The following ALK variants were observed in gnomAD, a reference collection of about 807,000 sequenced individuals.
ALK encodes the protein ALK receptor tyrosine kinase, also known as ALK tyrosine kinase receptor.
In ALK, 74 loss-of-function variants were observed where a neutral mutation model predicts 163.1. The observed-to-expected ratio is 0.45, with a 90% CI of 0.38 to 0.55. ALK has a LOEUF of 0.55. Ranked by LOEUF, ALK falls within the 20% of genes least tolerant of loss-of-function variation. The pLI, the probability that ALK is intolerant of heterozygous loss-of-function variation, is 0.00. For missense variants in ALK, 2,063 were observed against 2,105.3 expected, an observed-to-expected ratio of 0.98 and a Z score of 0.39; for synonymous variants, 960 against 843.2, an observed-to-expected ratio of 1.14 and a Z score of -2.40.
Position 29,326,217 on chromosome 2 carries a change from C to T in ALK, c.1414+2133G>A, listed in dbSNP as rs80242071. Among the ~76,000 whole-genome samples, 805 of 152,198 alleles carry T rather than the reference C, an allele frequency of 5.3e-3. 10 individuals carry two copies. The highest frequency in any genetic ancestry group is 0.019 in the African/African-American group (776 of 41,530). On this transcript the variant is annotated intron_variant, in intron 6 of 28. Transcript: ENST00000389048. ...AGACTGCCCTGAAGCTTGGAGCTGGCCAGGAAACCAGTAGTGGTAAGCTTT... is the reference window on the plus strand; with the variant it reads ...AGACTGCCCTGAAGCTTGGAGCTGGTCAGGAAACCAGTAGTGGTAAGCTTT...
chr2:29,884,538 T>C (rs1465028669), intron 1 of ALK, among the ~76,000 whole-genome samples: 3 of 152,146 alleles, frequency 2.0e-5, no homozygotes, highest in Non-Finnish European at 2.9e-5. Flanking sequence ...GGTAAATACG[T>C]TTTTATGTCA....
At chr2:29,847,395 A>T (rs543275124) in intron 1 of ALK, among the ~76,000 whole-genome samples, 9 of 152,258 alleles carry the variant, frequency 5.9e-5, no homozygotes, top group African/African-American at 2.2e-4. Flanking sequence ...GAGCTATGAG[A>T]TGCCTAGAAA....
intron 4 of ALK, among the ~76,000 whole-genome samples, chr2:29,464,697 G>A (rs1056744295): frequency 2.0e-5 from 3 of 152,284 alleles, no homozygotes; most frequent in South Asian, 2.1e-4. Flanking sequence ...ATGTGAGGAC[G>A]TGATTTTTGT....
intron 4 of ALK, among the ~76,000 whole-genome samples, chr2:29,489,879 G>A (rs1461101449): frequency 6.6e-6 from 1 of 152,190 alleles, no homozygotes; most frequent in Non-Finnish European, 1.5e-5. Context: ...AAAGAAGCAT[G>A]TCAACAAGAA....
chr2:29,274,265 A>T (rs988621506), intron 11 of ALK, among the ~76,000 whole-genome samples: 31 of 152,254 alleles, frequency 2.0e-4, no homozygotes, highest in African/African-American at 7.5e-4. Context: ...TTCACATTAT[A>T]AGTTGAAATT....
At position 29,735,508 on chromosome 2, in the gene ALK, AT is replaced by A. The variant is rs74313358; in HGVS notation, c.668-17812del. Among the ~76,000 whole-genome samples the A allele has an allele frequency of 3.7e-3, 556 of 152,152 alleles. 5 individuals are homozygous for A. In the East Asian group the frequency reaches 0.041, roughly 11 times the overall value. On this transcript the variant is annotated intron_variant, in intron 1 of 28. Coordinates refer to ENST00000389048, the MANE Select transcript of ALK (RefSeq NM_004304.5). ...TAATAATAATTGTTATTGCATACTCATTATGTACCAGGTGCTAGTTTAAGCT... is the reference window on the plus strand; with the variant it reads ...TAATAATAATTGTTATTGCATACTCATATGTACCAGGTGCTAGTTTAAGCT...
chr2:29,676,466 A>T (rs547713714), intron 3 of ALK, among the ~76,000 whole-genome samples: 23 of 152,194 alleles, frequency 1.5e-4, no homozygotes, highest in African/African-American at 5.3e-4. Context: ...AAGTCAGTTG[A>T]TTATAAATTA....
chr2:29,474,256 A>G (rs1320385763), intron 4 of ALK, among the ~76,000 whole-genome samples: 2 of 152,358 alleles, frequency 1.3e-5, no homozygotes, highest in Admixed American at 1.3e-4. Context: ...AAATAAAGTT[A>G]CACAAAATTT....
In ALK at chr2:29,527,784, G is replaced by A. The variant is rs542111053; in HGVS notation, c.1154+4131C>T. ...CCCGCCTTGGTCTCCCAAAGTGCTG[G>A]GATTACAGGTGTGAGCCATTGTGCC... On this transcript the variant is annotated intron_variant, in intron 4 of 28. Transcript: ENST00000389048. Among the ~76,000 whole-genome samples the A allele has an allele frequency of 2.7e-3, 404 of 152,238 alleles. 3 individuals are homozygous for A. Among genetic ancestry groups the A allele is most frequent in the Middle Eastern group, 6.8e-3 (2 of 294 alleles).
At chr2:29,390,850 G>T (rs981787044) in intron 4 of ALK, among the ~76,000 whole-genome samples, 1 of 152,204 alleles carries the variant, frequency 6.6e-6, no homozygotes, top group East Asian at 1.9e-4. Flanking sequence ...TACACATGGC[G>T]TGTGGCATGG....
At chr2:29,813,270 A>C (rs1265763346) in intron 1 of ALK, among the ~76,000 whole-genome samples, 1 of 152,142 alleles carries the variant, frequency 6.6e-6, no homozygotes, top group African/African-American at 2.4e-5. Context: ...AAGATTCAAA[A>C]ATGTCTTTTC....
intron 1 of ALK, among the ~76,000 whole-genome samples, chr2:29,756,254 A>ACCTTCCTCCTT (rs1680526852): frequency 6.6e-6 from 1 of 152,054 alleles, no homozygotes; most frequent in Admixed American, 6.6e-5. Context: ...TCCCGGGAGG[A>ACCTTCCTCCTT]CCTTCCGGAC....
intron 3 of ALK, among the ~76,000 whole-genome samples, chr2:29,671,844 A>G (rs1435039438): frequency 6.6e-6 from 1 of 152,062 alleles, no homozygotes; most frequent in Non-Finnish European, 1.5e-5. Flanking sequence ...CCACCATTTT[A>G]AAACTGGAAG....
At chr2:29,311,289 G>C (rs1044194132) in intron 8 of ALK, among the ~76,000 whole-genome samples, 1 of 152,200 alleles carries the variant, frequency 6.6e-6, no homozygotes, top group South Asian at 2.1e-4. Flanking sequence ...CTAGGGGATG[G>C]AGTGAGATCC....
chr2:29,475,046 A>G (rs4666222), intron 4 of ALK, among the ~76,000 whole-genome samples: 76,887 of 151,958 alleles, frequency 0.51, 20,510 homozygotes, highest in South Asian at 0.61. Flanking sequence ...CTGCTCCTGC[A>G]TTCCTTCTTC....
At chr2:29,771,588 G>T (rs918921632) in intron 1 of ALK, among the ~76,000 whole-genome samples, 4 of 151,874 alleles carry the variant, frequency 2.6e-5, no homozygotes, top group African/African-American at 9.7e-5. Context: ...AGGCTGGAGT[G>T]CAGTGTCACG....
At chr2:29,752,139 G>C (rs1427848626) in intron 1 of ALK, among the ~76,000 whole-genome samples, 1 of 152,070 alleles carries the variant, frequency 6.6e-6, no homozygotes, top group East Asian at 1.9e-4. Context: ...TGGTGCAAAA[G>C]CTATGTGCAT....
At chr2:29,766,421 A>C (rs754696885) in intron 1 of ALK, among the ~76,000 whole-genome samples, 4 of 152,108 alleles carry the variant, frequency 2.6e-5, no homozygotes, top group Non-Finnish European at 5.9e-5. Flanking sequence ...CCATGTTCTC[A>C]ATACAAACAT....
At chr2:29,906,063 T>C (rs1469217512) in intron 1 of ALK, among the ~76,000 whole-genome samples, 3 of 152,086 alleles carry the variant, frequency 2.0e-5, no homozygotes, top group Non-Finnish European at 4.4e-5. Flanking sequence ...GGCCTCGCTA[T>C]AGAGGGTCAG....
Sources: gnomAD v4.1 joint callset for allele counts (sites outside exome capture counted in the v4.1 genomes callset) on GRCh38, gnomAD v4.1.1 for gene constraint, MANE v1.5 for transcripts, NCBI Gene and HGNC (gene_info 2026-07-23, HGNC 2026-07-21) for gene names.